Variants in ZC3H14 observed in about 807,000 individuals in gnomAD.
ZC3H14 encodes zinc finger CCCH-type containing 14, also known as zinc finger CCCH domain-containing protein 14.
Under a neutral mutation model 92.4 loss-of-function variants are expected in ZC3H14, and 31 were observed. That is an observed-to-expected ratio of 0.34 (90% CI 0.25 to 0.45). The LOEUF (loss-of-function observed/expected upper bound fraction) is 0.45, where lower values mean the gene tolerates loss of function less well. Ranked by LOEUF, ZC3H14 falls within the 20% of genes least tolerant of loss-of-function variation. The probability of loss-of-function intolerance (pLI) is 1.00; values close to 1 mark genes in which losing one functional copy is unlikely to be tolerated. For missense variants in ZC3H14, 781 were observed against 897.3 expected (o/e 0.87, Z 1.66); for synonymous variants, 321 against 300.9 (o/e 1.07, Z -0.69).
intron 15 of ZC3H14, 64 bp from the exon 16 acceptor site, chr14:88,610,770 A>G: frequency 6.6e-7 from 1 of 1,510,744 alleles, no homozygotes; most frequent in Middle Eastern, 1.7e-4. Flanking sequence ...CTCAAATAAT[A>G]AAATAATGTG....
chr14:88,584,910 C>A (rs1439511932), intron 9 of ZC3H14, among the ~76,000 whole-genome samples: 1 of 151,564 alleles, frequency 6.6e-6, no homozygotes, highest in South Asian at 2.1e-4. Context: ...CAGTTATTCA[C>A]CATTTCTGGA....
intron 9 of ZC3H14, among the ~76,000 whole-genome samples, chr14:88,582,870 G>C (rs2082064734): frequency 6.6e-6 from 1 of 152,098 alleles, no homozygotes; most frequent in South Asian, 2.1e-4. Context: ...ATATAAACAT[G>C]CACTCGTATT....
Position 88,620,739 on chromosome 14 carries a change from C to A in ZC3H14, c.*8988C>A, listed in dbSNP as rs370186656. On this transcript the variant is annotated 3_prime_UTR_variant, in exon 17 of 17. Coordinates refer to ENST00000251038, the MANE Select transcript of ZC3H14 (RefSeq NM_024824.5). The surrounding 1 kb of genome is among the most constrained non-coding windows in gnomAD (Gnocchi z 4.3). ...CAAGTATATACTAGAAACTCTATTC[C>A]ATTTGTTCACTAACCTGATATCATG... The A allele has an allele frequency of 5.1e-6, 8 of 1,555,344 alleles. No homozygotes were observed. In the South Asian group the frequency reaches 1.0e-4, roughly 20 times the overall value.
At chr14:88,577,563 CTTTTCTTTTTCTTTTT>C (rs1301160199) in intron 8 of ZC3H14, among the ~76,000 whole-genome samples, 1 of 151,432 alleles carries the variant, frequency 6.6e-6, no homozygotes, top group African/African-American at 2.4e-5. Context: ...ATGTTCTTTT[CTTTTCTTTTTCTTTTT>C]TTTTTGGAGA....
chr14:88,624,796 G>T lies in ZC3H14; in HGVS notation c.*13045G>T. The T allele has an allele frequency of 1.4e-6, 1 of 731,678 alleles. No homozygotes were observed. The highest frequency in any genetic ancestry group is 2.1e-6 in the Non-Finnish European group (1 of 467,668). 45.3% of individuals were successfully genotyped at this position (731,678 alleles called of 1,614,324 possible). On this transcript the variant is annotated 3_prime_UTR_variant, in exon 17 of 17. Transcript: ENST00000251038. ...ATGAAAAAAATTGGAAGTGAATTAA[G>T]ACCAGAAATGAGAATCAAATAGAAG...
chr14:88,593,668 T>C (rs1238006856), intron 9 of ZC3H14, among the ~76,000 whole-genome samples: 1 of 151,962 alleles, frequency 6.6e-6, no homozygotes, highest in Non-Finnish European at 1.5e-5. Context: ...CAACTGAATA[T>C]CCACATGAAA....
At position 88,607,228 on chromosome 14, in the gene ZC3H14, C is replaced by T. The variant is rs2085554336; in HGVS notation, c.1748-15C>T. On this transcript the variant is annotated splice_polypyrimidine_tract_variant and intron_variant, in intron 12 of 16. Coordinates refer to ENST00000251038, the MANE Select transcript of ZC3H14 (RefSeq NM_024824.5). ...CATAATGAATGAAATACTTTTATTTCCTTTCCCTTTGTAGCTGAGATGAGT... is the reference window on the plus strand; with the variant it reads ...CATAATGAATGAAATACTTTTATTTTCTTTCCCTTTGTAGCTGAGATGAGT... The T allele has an allele frequency of 6.2e-7, 1 of 1,613,882 alleles. No homozygotes were observed. The highest frequency in any genetic ancestry group is 8.5e-7 in the Non-Finnish European group (1 of 1,179,942).
chr14:88,622,668 C>T lies in ZC3H14; in HGVS notation c.*10917C>T. On this transcript the variant is annotated 3_prime_UTR_variant, in exon 17 of 17. Transcript: ENST00000251038. Reference sequence around the variant, plus strand: ...TCCTGTCTCAAGCCTGAAGGCACGGCACCGCCTCAGTTCCTGATCCCACAG... The same window carrying T: ...TCCTGTCTCAAGCCTGAAGGCACGGTACCGCCTCAGTTCCTGATCCCACAG... 2.5e-6 allele frequency: 4 copies of T among 1,611,154 alleles called. No individual in the cohort carries two copies. Among genetic ancestry groups the T allele is most frequent in the Non-Finnish European group, 3.4e-6 (4 of 1,178,576 alleles).
chr14:88,580,533 CAAG>C (rs199561219), intron 9 of ZC3H14, among the ~76,000 whole-genome samples: 1,467 of 95,170 alleles, frequency 0.015, 20 homozygotes, highest in African/African-American at 0.05. Flanking sequence ...AGATAAAAGA[CAAG>C]AACATTTTAA....
chr14:88,580,924 T>A (rs1382574822), intron 9 of ZC3H14, among the ~76,000 whole-genome samples: 1 of 152,212 alleles, frequency 6.6e-6, no homozygotes, highest in African/African-American at 2.4e-5. Context: ...GACTAGCATA[T>A]TTAAGATACT....
At chr14:88,563,620 C>T (rs754634186) in intron 1 of ZC3H14, 31 bp from the exon 2 acceptor site, 1 of 1,613,520 alleles carries the variant, frequency 6.2e-7, no homozygotes, top group Admixed American at 1.7e-5. Context: ...AGCCGCCTTT[C>T]TCACATGCAC....
At chr14:88,583,460 T>G (rs1336772587) in intron 9 of ZC3H14, among the ~76,000 whole-genome samples, 2 of 152,108 alleles carry the variant, frequency 1.3e-5, no homozygotes, top group African/African-American at 4.8e-5. Context: ...TAAAAATTAT[T>G]TACCTCAGGC....
chr14:88,578,094 C>T lies in ZC3H14; in HGVS notation c.1233C>T (p.Pro411=), dbSNP rs201155621. 6.2e-7 allele frequency: 1 copy of T among 1,613,880 alleles called. No homozygotes were observed. The highest frequency in any genetic ancestry group is 8.5e-7 in the Non-Finnish European group (1 of 1,179,980). The change falls in exon 9 of 17, where the codon CCC becomes CCT. Residue 411 remains proline (P), a synonymous_variant. Coordinates refer to ENST00000251038, the MANE Select transcript of ZC3H14 (RefSeq NM_024824.5). Reference sequence around the variant, plus strand: ...GTAGGACCCCCAGAATAAGTCCCCCCATTAAAGAAGAGGAAACAAAAGGAG... The same window carrying T: ...GTAGGACCCCCAGAATAAGTCCCCCTATTAAAGAAGAGGAAACAAAAGGAG... ...GQSRTPRISP[P]IKEEETKGDS... is the part of the protein sequence containing the mutation.
rs1159219239 is a variant in ZC3H14 at position 88,566,924 on chromosome 14, G to GA, written c.80-1101dup. On this transcript the variant is annotated intron_variant, in intron 2 of 16. Transcript: ENST00000251038. ...GACAGAGCAAGACTCTGTCGTAAAA[G>GA]AAAAAAAAAAAAAAGAGAACTGGAA... Among the ~76,000 whole-genome samples, 669 of 115,978 alleles carry GA rather than the reference G, an allele frequency of 5.8e-3. 2 individuals are homozygous for GA. Among genetic ancestry groups the GA allele is most frequent in the African/African-American group, 0.016 (508 of 31,868 alleles). 76.1% of individuals were successfully genotyped at this position (115,978 alleles called of 152,430 possible).
chr14:88,569,214 G>A (rs1057122033), intron 3 of ZC3H14, among the ~76,000 whole-genome samples: 2 of 152,144 alleles, frequency 1.3e-5, no homozygotes, highest in East Asian at 3.8e-4. Flanking sequence ...ACCAGTTACA[G>A]ATGTTTTTTT....
At chr14:88,585,043 T>C (rs1182718151) in intron 9 of ZC3H14, among the ~76,000 whole-genome samples, 1 of 152,226 alleles carries the variant, frequency 6.6e-6, no homozygotes, top group Non-Finnish European at 1.5e-5. Flanking sequence ...TCAAAAGTTG[T>C]ATGTGGGTTT....
chr14:88,623,650 G>C lies in ZC3H14; in HGVS notation c.*11899G>C, dbSNP rs1209878831. ...GCTGATCCCAAACTCCTGACCTCGT[G>C]ATCCGCCCACCTCGGCCTCCCAAAG... On this transcript the variant is annotated 3_prime_UTR_variant, in exon 17 of 17. Transcript: ENST00000251038. 2 of 152,156 alleles carry C rather than the reference G, an allele frequency of 1.3e-5. No homozygotes were observed. Among genetic ancestry groups the C allele is most frequent in the Non-Finnish European group, 2.9e-5 (2 of 68,058 alleles). The allele number at this position is 152,156 out of a possible 1,614,324, so 9.4% of individuals were successfully genotyped here. A position where few individuals can be genotyped will look rare whatever the true frequency, so the allele number is the denominator to read the frequency against.
Position 88,618,566 on chromosome 14 carries a change from CT to C in ZC3H14, c.*6816del, listed in dbSNP as rs2088179342. 1 of 1,460,988 alleles carries C rather than the reference CT, an allele frequency of 6.8e-7. No homozygotes were observed. The highest frequency in any genetic ancestry group is 9.2e-7 in the Non-Finnish European group (1 of 1,090,170). 90.5% of individuals were successfully genotyped at this position (1,460,988 alleles called of 1,614,324 possible). A position where few individuals can be genotyped will look rare whatever the true frequency, so the allele number is the denominator to read the frequency against. On this transcript the variant is annotated 3_prime_UTR_variant, in exon 17 of 17. Coordinates refer to ENST00000251038, the MANE Select transcript of ZC3H14 (RefSeq NM_024824.5). ...GAGTTGAGAAGCTGGAGCTCTGGAG[CT>C]CAGGAACTTTAAATGCATTCACTAA...
intron 9 of ZC3H14, chr14:88,595,086 C>T (rs1435056851): frequency 1.2e-5 from 19 of 1,611,914 alleles, no homozygotes; most frequent in Non-Finnish European, 1.0e-5. Flanking sequence ...TAAAAATAAT[C>T]GGCTTCCTTA....
Sources: gnomAD v4.1 joint callset for allele counts (sites outside exome capture counted in the v4.1 genomes callset) on GRCh38, gnomAD v4.1.1 for gene constraint, Gnocchi (gnomAD v3.1) non-coding constraint, MANE v1.5 for transcripts, NCBI Gene and HGNC (gene_info 2026-07-23, HGNC 2026-07-21) for gene names.